The following ATG13 variants were observed in gnomAD, a reference collection of about 807,000 sequenced individuals.
ATG13 encodes autophagy-related protein 13.
A neutral mutation model predicts 65.5 loss-of-function variants in ATG13; 23 were observed. The ratio of observed to expected loss-of-function variants is 0.35; its 90% confidence interval spans 0.25 to 0.50. The LOEUF (loss-of-function observed/expected upper bound fraction) is 0.50, where lower values mean the gene tolerates loss of function less well. Among genes scored for constraint, ATG13 ranks in the 20% least tolerant of loss-of-function variants. ATG13 has a pLI of 0.98. For synonymous variants in ATG13, 252 were observed against 245.2 expected (o/e 1.03, Z -0.26); for missense variants, 566 against 677.0 (o/e 0.84, Z 1.82).
intron 1 of ATG13, among the ~76,000 whole-genome samples, chr11:46,629,188 C>T (rs1240737234): frequency 6.6e-6 from 1 of 152,022 alleles, no homozygotes; most frequent in Non-Finnish European, 1.5e-5. Context: ...GATGCCCCAC[C>T]CACCTCAGCC....
chr11:46,621,061 C>G (rs1330674621), intron 1 of ATG13: 1 of 151,622 alleles, frequency 6.6e-6, no homozygotes, highest in Non-Finnish European at 1.5e-5. Context: ...GTTGCCCAGG[C>G]TGGAGTGTAG....
At chr11:46,637,052 A>C (rs542885006) in intron 2 of ATG13, among the ~76,000 whole-genome samples, 1 of 152,290 alleles carries the variant, frequency 6.6e-6, no homozygotes, top group South Asian at 2.1e-4. Context: ...TACAAACTGC[A>C]GATTAAGGAT....
intron 2 of ATG13, among the ~76,000 whole-genome samples, chr11:46,636,518 A>G (rs113517538): frequency 6.9e-6 from 1 of 144,100 alleles, no homozygotes; most frequent in Non-Finnish European, 1.5e-5. Context: ...AGATCATGCC[A>G]CTGCACTCCA....
intron 2 of ATG13, among the ~76,000 whole-genome samples, chr11:46,630,480 A>ATTT (rs2051292988): frequency 6.6e-6 from 1 of 152,144 alleles, no homozygotes; most frequent in African/African-American, 2.4e-5. Context: ...ATATGGTAAA[A>ATTT]ATCAATTTAC....
At chr11:46,638,060 A>C (rs928487184) in intron 2 of ATG13, among the ~76,000 whole-genome samples, 1 of 152,182 alleles carries the variant, frequency 6.6e-6, no homozygotes, top group African/African-American at 2.4e-5. Context: ...TGCATGTCTA[A>C]ATTGTGTAGT....
intron 7 of ATG13, among the ~76,000 whole-genome samples, chr11:46,652,140 C>T (rs528544161): frequency 3.9e-5 from 6 of 152,076 alleles, no homozygotes; most frequent in South Asian, 2.1e-4. Flanking sequence ...CCCAGCTACT[C>T]GGGAGGCTGA....
Position 46,668,567 on chromosome 11 carries a change from C to T in ATG13, c.1320C>T (p.Thr440=), listed in dbSNP as rs2062940357. 4 of 1,614,098 alleles carry T rather than the reference C, an allele frequency of 2.5e-6. No individual in the cohort carries two copies. The highest frequency in any genetic ancestry group is 1.1e-5 in the South Asian group (1 of 91,082). The change falls in exon 16 of 19, where the codon ACC becomes ACT. Residue 440 remains threonine (T), a synonymous_variant. Coordinates refer to ENST00000683050, the MANE Select transcript of ATG13 (RefSeq NM_001346311.2). ...FAPKNLELED[T]DPMVNPPDSP... is the part of the protein sequence containing the mutation. ...CCAAGAATTTGGAGCTGGAGGATAC[C>T]GATCCAATGGTGAGCCCACCGTTGA...
At chr11:46,625,121 A>G (rs1272497358) in intron 1 of ATG13, among the ~76,000 whole-genome samples, 1 of 151,484 alleles carries the variant, frequency 6.6e-6, no homozygotes, top group African/African-American at 2.4e-5. Context: ...TGAAGCCAGG[A>G]GTTCCAGACC....
At chr11:46,663,265 C>CAAAAA (rs11422914) in intron 11 of ATG13, among the ~76,000 whole-genome samples, 3 of 78,366 alleles carry the variant, frequency 3.8e-5, no homozygotes, top group African/African-American at 1.0e-4. Context: ...GACTCCATCT[C>CAAAAA]AAAAAAAAAA....
chr11:46,664,858 T>G lies in ATG13; in HGVS notation c.898T>G (p.Ser300Ala), dbSNP rs1352787233. ...TTTTTCTCTTGCTTAGCTCTCAAGC[T>G]CTCGCCTTTCCTATCAGCCTGCTGC... ...GLAFSHQLSS[S>A]RLSYQPAALG... Residue 300 changes from serine (S) to alanine (A), a missense_variant, in exon 13 of 19, where the codon TCT (serine) becomes GCT (alanine). This residue lies in a region of ATG13 where 387 missense variants were observed against 409.8 expected (regional missense o/e 0.94). Transcript: ENST00000683050. The G allele has an allele frequency of 6.2e-7, 1 of 1,613,730 alleles. No individual in the cohort carries two copies. The highest frequency in any genetic ancestry group is 8.5e-7 in the Non-Finnish European group (1 of 1,179,750).
At position 46,667,793 on chromosome 11, in the gene ATG13, C is replaced by T; in HGVS notation, c.1157C>T (p.Ser386Leu). The T allele has an allele frequency of 6.2e-7, 1 of 1,609,010 alleles. No individual in the cohort carries two copies. Among genetic ancestry groups the T allele is most frequent in the South Asian group, 1.1e-5 (1 of 90,904 alleles). ...PSSSEDTETV[S>L]NSSEGRASPH... ...TCCAGTGAGGATACTGAAACCGTAT[C>T]AAACAGCAGTGAGGGACGGGCCTCC... is the stretch of plus-strand genomic sequence containing the variant. Residue 386 changes from serine (S) to leucine (L), a missense_variant, in exon 15 of 19, where the codon TCA becomes TTA. This residue lies in a region of ATG13 where 387 missense variants were observed against 409.8 expected (regional missense o/e 0.94). Coordinates refer to ENST00000683050, the MANE Select transcript of ATG13 (RefSeq NM_001346311.2).
chr11:46,635,602 T>C (rs998700497), intron 2 of ATG13, among the ~76,000 whole-genome samples: 4 of 152,234 alleles, frequency 2.6e-5, no homozygotes, highest in Non-Finnish European at 4.4e-5. Context: ...TTTACCTTTG[T>C]ATTCATAGGA....
chr11:46,628,952 T>G (rs77031993), intron 1 of ATG13, among the ~76,000 whole-genome samples: 1 of 151,644 alleles, frequency 6.6e-6, no homozygotes, highest in South Asian at 2.1e-4. Context: ...TTTTTTTTTT[T>G]TGGAGACGGA....
At position 46,672,353 on chromosome 11, in the gene ATG13, A is replaced by C; in HGVS notation, c.*21A>C. 1 of 1,614,164 alleles carries C rather than the reference A, an allele frequency of 6.2e-7. No homozygotes were observed. Among genetic ancestry groups the C allele is most frequent in the Non-Finnish European group, 8.5e-7 (1 of 1,179,976 alleles). ...AGTAAAAGTATCCTTGAGTCCCAGC[A>C]GCACCCCCTTTTTGTGGCCCCAGGG... On this transcript the variant is annotated 3_prime_UTR_variant, in exon 19 of 19. Transcript: ENST00000683050.
intron 6 of ATG13, 128 bp from the exon 7 acceptor site, chr11:46,650,049 A>G (rs370240727): frequency 9.8e-7 from 1 of 1,019,690 alleles, no homozygotes; most frequent in Non-Finnish European, 1.4e-6. Context: ...GGCTTACCTC[A>G]GTAATCTGTT....
rs73451868 is a variant in ATG13 at position 46,657,322 on chromosome 11, T to C, written c.596+131T>C. On this transcript the variant is annotated intron_variant, in intron 9 of 18. Transcript: ENST00000683050. ...TACCTTCAGAAGAATAAAGAGAGAG[T>C]GCAGTTGCCAGATTGGAGAATTTGA... is the stretch of plus-strand genomic sequence containing the variant. The C allele has an allele frequency of 2.3e-3, 2,218 of 973,090 alleles. 37 individuals carry two copies. In the African/African-American group the frequency reaches 0.031, roughly 14 times the overall value. The allele number at this position is 973,090 out of a possible 1,614,324, so 60.3% of individuals were successfully genotyped here.
At chr11:46,666,902 A>G (rs1163862993) in intron 14 of ATG13, among the ~76,000 whole-genome samples, 1 of 151,816 alleles carries the variant, frequency 6.6e-6, no homozygotes, top group Non-Finnish European at 1.5e-5. Context: ...GGAAGGAGTC[A>G]TTTAGGAAGG....
In ATG13 at chr11:46,672,962, G is replaced by C. The variant is rs1234760736; in HGVS notation, c.*630G>C. 2 of 489,430 alleles carry C rather than the reference G, an allele frequency of 4.1e-6. No homozygotes were observed. Among genetic ancestry groups the C allele is most frequent in the South Asian group, 2.1e-5 (1 of 47,720 alleles). 30.3% of individuals were successfully genotyped at this position (489,430 alleles called of 1,614,324 possible). On this transcript the variant is annotated 3_prime_UTR_variant, in exon 19 of 19. Transcript: ENST00000683050. ...AACCACTCCCACCCCTGAAGGTCGG[G>C]AGGGTCTGAGCAGCCCTGGTGGCTG...
chr11:46,657,038 T>G, intron 8 of ATG13, 57 bp from the exon 9 acceptor site: 1 of 1,401,916 alleles, frequency 7.1e-7, no homozygotes, highest in African/African-American at 1.4e-5. Context: ...AAAGACGGTC[T>G]GGGGGCAGTG....
Sources: allele counts gnomAD v4.1 joint callset (sites outside exome capture counted in the v4.1 genomes callset), GRCh38; gene constraint gnomAD v4.1.1; regional missense constraint gnomAD v4.1.1; transcripts MANE v1.5; gene names NCBI Gene and HGNC (gene_info 2026-07-23, HGNC 2026-07-21).